The following ARID1B variants were observed in gnomAD, a reference collection of about 807,000 sequenced individuals.
The protein encoded by ARID1B is AT-rich interactive domain-containing protein 1B.
ARID1B carries 30 observed loss-of-function variants against 212.3 expected under a neutral mutation model. That is an observed-to-expected ratio of 0.14 (90% confidence interval 0.11 to 0.19). The LOEUF (loss-of-function observed/expected upper bound fraction) is 0.19, where lower values mean the gene tolerates loss of function less well. ARID1B is among the 10% of genes least tolerant of loss of function. ARID1B has a pLI of 1.00. For missense variants in ARID1B, 2,891 were observed against 3,204.0 expected, an observed-to-expected ratio of 0.90 and a Z score of 2.36; for synonymous variants, 1,402 against 1,301.7, an observed-to-expected ratio of 1.08 and a Z score of -1.66.
intron 6 of ARID1B, 25 bp downstream of exon 6, chr6:157,110,586 A>G (rs750768435): frequency 1.9e-6 from 3 of 1,608,958 alleles, no homozygotes; most frequent in Admixed American, 3.3e-5. Context: ...CATGTCTTAC[A>G]TGCCTATAGT....
chr6:157,004,897 C>A (rs57028195), intron 4 of ARID1B, among the ~76,000 whole-genome samples: 1 of 54,740 alleles, frequency 1.8e-5, no homozygotes, highest in Non-Finnish European at 3.7e-5. Flanking sequence ...CTTCTTTTTT[C>A]TTTTTTTTTT....
intron 4 of ARID1B, among the ~76,000 whole-genome samples, chr6:157,048,888 T>G (rs565248966): frequency 6.6e-6 from 1 of 152,282 alleles, no homozygotes; most frequent in African/African-American, 2.4e-5. Context: ...ACTTGCTACC[T>G]TAAGGCCAGG....
intron 4 of ARID1B, among the ~76,000 whole-genome samples, chr6:156,951,109 T>C (rs1793551493): frequency 6.6e-6 from 1 of 152,330 alleles, no homozygotes; most frequent in Middle Eastern, 3.4e-3. Flanking sequence ...TAAATGGTTA[T>C]TTTTAAATAT....
intron 4 of ARID1B, among the ~76,000 whole-genome samples, chr6:156,957,128 G>A (rs1184815893): frequency 6.6e-6 from 1 of 152,220 alleles, no homozygotes; most frequent in Non-Finnish European, 1.5e-5. Context: ...GAGTTTATCT[G>A]TTGCAGGGTT....
chr6:156,916,380 T>G (rs17087897), intron 3 of ARID1B, among the ~76,000 whole-genome samples: 2,881 of 152,226 alleles, frequency 0.019, 83 homozygotes, highest in African/African-American at 0.065. Flanking sequence ...CATCAGAGGT[T>G]CACACTGTGC....
At chr6:156,867,475 G>T (rs1419069334) in intron 2 of ARID1B, among the ~76,000 whole-genome samples, 2 of 152,146 alleles carry the variant, frequency 1.3e-5, no homozygotes, top group Admixed American at 1.3e-4. Flanking sequence ...GTTTCCTGTG[G>T]AAAGCTGACC....
Position 156,778,882 on chromosome 6 carries a change from G to A in ARID1B, c.1202G>A (p.Gly401Glu), listed in dbSNP as rs2114988787. The A allele has an allele frequency of 7.2e-7, 1 of 1,396,600 alleles. No homozygotes were observed. The highest frequency in any genetic ancestry group is 9.3e-7 in the Non-Finnish European group (1 of 1,073,124). The allele number at this position is 1,396,600 out of a possible 1,614,324, so 86.5% of individuals were successfully genotyped here. ...GGCGGCGGCGGCGGCGGAGGAGGAG[G>A]AGGCAGCGGAGGAGGAGGAGGAGGA... ...GGGGGGGGGG[G>E]GSGGGGGGGG... The change falls in exon 1 of 20, where the codon GGA (glycine) becomes GAA (glutamate). Residue 401 changes from glycine to glutamate, a missense_variant. Physicochemically the swap from Gly to Glu is moderately conservative, Grantham distance 98. Transcript: ENST00000636930.
intron 4 of ARID1B, among the ~76,000 whole-genome samples, chr6:156,981,432 G>A (rs1777597237): frequency 1.3e-5 from 2 of 152,108 alleles, no homozygotes; most frequent in Admixed American, 1.3e-4. Context: ...TTCAAAAATA[G>A]ACAAAATTTA....
intron 2 of ARID1B, among the ~76,000 whole-genome samples, chr6:156,840,157 C>T (rs958235382): frequency 1.3e-5 from 2 of 152,214 alleles, no homozygotes; most frequent in African/African-American, 4.8e-5. Context: ...ACAACCCCTC[C>T]TCTGTTTCTC....
At chr6:156,854,933 G>T (rs1784814921) in intron 2 of ARID1B, among the ~76,000 whole-genome samples, 1 of 152,160 alleles carries the variant, frequency 6.6e-6, no homozygotes, top group Non-Finnish European at 1.5e-5. Context: ...GATTGTTCTG[G>T]CCTGTTTACT....
At chr6:156,953,362 GTT>G (rs983030265) in intron 4 of ARID1B, among the ~76,000 whole-genome samples, 1 of 152,216 alleles carries the variant, frequency 6.6e-6, no homozygotes, top group African/African-American at 2.4e-5. Flanking sequence ...TATAGAGGTG[GTT>G]TTGCAAGTCC....
At chr6:156,896,942 A>C (rs1378844006) in intron 2 of ARID1B, among the ~76,000 whole-genome samples, 1 of 152,160 alleles carries the variant, frequency 6.6e-6, no homozygotes, top group African/African-American at 2.4e-5. Flanking sequence ...TGATCATTTC[A>C]CTCATTTTGG....
At chr6:156,807,111 A>G (rs1375432479) in intron 1 of ARID1B, among the ~76,000 whole-genome samples, 1 of 151,932 alleles carries the variant, frequency 6.6e-6, no homozygotes, top group African/African-American at 2.4e-5. Context: ...GCGTTTTTCC[A>G]TTTCCAGTTC....
At chr6:156,995,168 G>A (rs1416215808) in intron 4 of ARID1B, among the ~76,000 whole-genome samples, 1 of 152,218 alleles carries the variant, frequency 6.6e-6, no homozygotes. Flanking sequence ...GACTCCAGGT[G>A]TACCTGAAGA....
chr6:157,200,884 G>T lies in ARID1B; in HGVS notation c.4659G>T (p.Glu1553Asp), dbSNP rs1794053517. 1 of 1,614,000 alleles carries T rather than the reference G, an allele frequency of 6.2e-7. No individual in the cohort carries two copies. Among genetic ancestry groups the T allele is most frequent in the Non-Finnish European group, 8.5e-7 (1 of 1,180,008 alleles). Residue 1553 changes from glutamate (E) to aspartate (D), a missense_variant, in exon 18 of 20, where the codon GAG becomes GAT. Physicochemically the swap from Glu to Asp is conservative, Grantham distance 45 (BLOSUM62 2). Around this residue, in one of 7 missense-constraint regions of ARID1B, gnomAD observed 666 missense variants for 873.5 expected, o/e 0.76. Transcript: ENST00000636930. The surrounding 1 kb of genome is among the most constrained non-coding windows in gnomAD (Gnocchi z 4.3). The stretch of plus-strand genomic sequence containing the variant: ...AGTACCCGTATCCCTACAGCAGGGA[G>T]AGGATGCAGGGCCCGGGGCAGATCC... ...QGQYPYPYSRERMQGPGQIQT... is the reference protein window; with the variant it reads ...QGQYPYPYSRDRMQGPGQIQT...
At chr6:157,131,953 A>G (rs1788580597) in intron 6 of ARID1B, among the ~76,000 whole-genome samples, 1 of 152,110 alleles carries the variant, frequency 6.6e-6, no homozygotes, top group Non-Finnish European at 1.5e-5. Flanking sequence ...CCTCCCAGAG[A>G]GCTGGGATTA....
chr6:156,951,475 G>A (rs373207918), intron 4 of ARID1B, among the ~76,000 whole-genome samples: 4 of 151,020 alleles, frequency 2.6e-5, no homozygotes, highest in African/African-American at 4.9e-5. Context: ...ATGGAGTCTC[G>A]CTCTGTCATC....
intron 8 of ARID1B, among the ~76,000 whole-genome samples, chr6:157,163,298 T>A (rs781060645): frequency 5.9e-5 from 9 of 152,066 alleles, no homozygotes; most frequent in Non-Finnish European, 7.4e-5. Context: ...AGCTTTTTGT[T>A]GTGAGCCACA....
At chr6:156,892,025 C>T (rs1301042636) in intron 2 of ARID1B, among the ~76,000 whole-genome samples, 1 of 151,068 alleles carries the variant, frequency 6.6e-6, no homozygotes, top group Non-Finnish European at 1.5e-5. Flanking sequence ...GTGTGCATCA[C>T]CACACCCAGC....
Sources: gnomAD v4.1 joint callset for allele counts (sites outside exome capture counted in the v4.1 genomes callset) on GRCh38, gnomAD v4.1.1 for gene constraint, gnomAD v4.1.1 regional missense constraint, Gnocchi (gnomAD v3.1) non-coding constraint, MANE v1.5 for transcripts, NCBI Gene and HGNC (gene_info 2026-07-23, HGNC 2026-07-21) for gene names.